MTM1: variants seen among roughly 807,000 people sequenced by gnomAD.
MTM1 encodes the protein myotubularin.
Under a neutral mutation model 52.1 loss-of-function variants are expected in MTM1, and 9 were observed. That is an observed-to-expected ratio of 0.17 (90% CI 0.10 to 0.30). The LOEUF (loss-of-function observed/expected upper bound fraction) is 0.30, where lower values mean the gene tolerates loss of function less well. MTM1 is among the 10% of genes least tolerant of loss of function. The probability of loss-of-function intolerance (pLI) is 1.00; values close to 1 mark genes in which losing one functional copy is unlikely to be tolerated. For missense variants in MTM1, 277 were observed against 470.7 expected, an observed-to-expected ratio of 0.59 and a Z score of 3.81; for synonymous variants, 136 against 163.8, an observed-to-expected ratio of 0.83 and a Z score of 1.29.
intron 6 of MTM1, among the ~76,000 whole-genome samples, chrX:150,634,304 T>C (rs1245767797): frequency 8.9e-6 from 1 of 112,576 alleles, no homozygotes; most frequent in Non-Finnish European, 1.9e-5. Flanking sequence ...AGATTCTGTT[T>C]AAATAAACAA....
At chrX:150,649,254 C>T (rs1557414108) in intron 9 of MTM1, among the ~76,000 whole-genome samples, 1 of 112,665 alleles carries the variant, frequency 8.9e-6, no homozygotes, top group African/African-American at 3.2e-5. Flanking sequence ...GGGTCTGTCT[C>T]CAAAGCCTGT....
chrX:150,601,443 G>A (rs782020800), intron 4 of MTM1, among the ~76,000 whole-genome samples: 1 of 112,376 alleles, frequency 8.9e-6, no homozygotes, highest in Non-Finnish European at 1.9e-5. Flanking sequence ...AAAAAATTTT[G>A]TTGCATGTTT....
At chrX:150,659,882 G>GTGTGAATAC (rs1251243996) in intron 12 of MTM1, 126 bp downstream of exon 12, 1 of 558,926 alleles carries the variant, frequency 1.8e-6, no homozygotes, top group Non-Finnish European at 3.0e-6. Flanking sequence ...GACTGGGCAT[G>GTGTGAATAC]TGTGAATACT....
intron 7 of MTM1, among the ~76,000 whole-genome samples, chrX:150,639,374 T>C (rs1236865990): frequency 8.9e-6 from 1 of 112,368 alleles, no homozygotes; most frequent in African/African-American, 3.2e-5. Flanking sequence ...GGACTTGATA[T>C]TGCTATGTAT....
At chrX:150,569,463 G>GA (rs1557411369) in intron 1 of MTM1, among the ~76,000 whole-genome samples, 2 of 112,600 alleles carry the variant, frequency 1.8e-5, no homozygotes, top group Non-Finnish European at 3.8e-5. Context: ...GACTGGTTTT[G>GA]AAACAGATAC....
At chrX:150,576,002 G>A (rs2038465882) in intron 1 of MTM1, among the ~76,000 whole-genome samples, 1 of 111,077 alleles carries the variant, frequency 9.0e-6, no homozygotes, top group Non-Finnish European at 1.9e-5. Context: ...TGTTAATGTG[G>A]TAGGCTATTT....
At chrX:150,662,108 TGA>T (rs1239756788) in intron 13 of MTM1, among the ~76,000 whole-genome samples, 3 of 111,015 alleles carry the variant, frequency 2.7e-5, no homozygotes, top group African/African-American at 9.8e-5. Context: ...GGAAAAGAGG[TGA>T]GAGAGAGCAC....
At chrX:150,578,686 G>A (rs782179490) in intron 1 of MTM1, among the ~76,000 whole-genome samples, 2 of 111,172 alleles carry the variant, frequency 1.8e-5, no homozygotes, top group African/African-American at 6.6e-5. Flanking sequence ...CCATTGCTAG[G>A]ACCTCAAAAA....
intron 1 of MTM1, among the ~76,000 whole-genome samples, chrX:150,579,646 G>A (rs1402564605): frequency 9.2e-6 from 1 of 109,153 alleles, no homozygotes; most frequent in African/African-American, 3.4e-5. Flanking sequence ...ACAGGTGCAT[G>A]CCCCCATGCC....
At chrX:150,665,551 A>G (rs891830584) in intron 14 of MTM1, among the ~76,000 whole-genome samples, 10 of 112,777 alleles carry the variant, frequency 8.9e-5, no homozygotes, top group African/African-American at 3.2e-4. Flanking sequence ...TAAAAGTTAA[A>G]TTGTTATTCA....
Position 150,668,844 on chromosome X carries a change from T to C in MTM1, c.1645-2584T>C, listed in dbSNP as rs1225837931. Among the ~76,000 whole-genome samples, 3 of 112,223 alleles carry C rather than the reference T, an allele frequency of 2.7e-5. No individual in the cohort carries two copies. The Admixed American group carries it at 2.8e-4, about 11-fold the overall frequency. On this transcript the variant is annotated intron_variant, in intron 14 of 14. Transcript: ENST00000370396. ...AACACAGTAGAAAGCAGGATGGTTC[T>C]GGAAACCACTACATGTGGAAGGCAC...
Position 150,598,670 on chromosome X carries a change from T to C in MTM1, c.215T>C (p.Leu72Ser). The C allele has an allele frequency of 8.5e-7, 1 of 1,182,345 alleles. No individual in the cohort carries two copies. The highest frequency in any genetic ancestry group is 1.2e-6 in the Non-Finnish European group (1 of 869,140). ...TACATCACAAATTATCGTCTTTATT[T>C]AAGAAGTTTGGAAACGGTAAGTAGA... ...RVYITNYRLY[L>S]RSLETDSSLI... Residue 72 changes from leucine to serine, a missense_variant, in exon 4 of 15, where the codon TTA becomes TCA. Leu to Ser is a moderately radical substitution (Grantham distance 145). Transcript: ENST00000370396.
At chrX:150,639,781 A>G (rs189816543) in intron 7 of MTM1, among the ~76,000 whole-genome samples, 1 of 112,376 alleles carries the variant, frequency 8.9e-6, no homozygotes, top group African/African-American at 3.2e-5. Context: ...ATAATTGAAA[A>G]GTTTTGTTGA....
chrX:150,591,114 C>A (rs1421597818), intron 1 of MTM1: 1 of 606,455 alleles, frequency 1.6e-6, no homozygotes, highest in African/African-American at 2.5e-5. Context: ...ATTCATTAAT[C>A]TTTTTAAAAA....
Position 150,672,196 on chromosome X carries a change from T to C in MTM1, c.*601T>C, listed in dbSNP as rs2040406936. 1 of 112,316 alleles carries C rather than the reference T, an allele frequency of 8.9e-6. No individual in the cohort carries two copies. Among genetic ancestry groups the C allele is most frequent in the Admixed American group, 9.5e-5 (1 of 10,561 alleles). 9.3% of individuals were successfully genotyped at this position (112,316 alleles called of 1,213,427 possible). Reference sequence around the variant, plus strand: ...TGGAAATTTAGGGGTAGAAAATGTTTTCCCCTAATTTTCCAGAGAAGCCTA... The same window carrying C: ...TGGAAATTTAGGGGTAGAAAATGTTCTCCCCTAATTTTCCAGAGAAGCCTA... On this transcript the variant is annotated 3_prime_UTR_variant, in exon 15 of 15. Coordinates refer to ENST00000370396, the MANE Select transcript of MTM1 (RefSeq NM_000252.3).
intron 4 of MTM1, among the ~76,000 whole-genome samples, chrX:150,609,196 T>G (rs1321394483): frequency 9.0e-6 from 1 of 111,219 alleles, no homozygotes; most frequent in Non-Finnish European, 1.9e-5. Context: ...CAAAGTGGTG[T>G]GAGCCAAGGA....
At chrX:150,626,585 G>A (rs1382512742) in intron 6 of MTM1, among the ~76,000 whole-genome samples, 1 of 111,769 alleles carries the variant, frequency 8.9e-6, no homozygotes, top group East Asian at 2.8e-4. Context: ...TGGGATTACA[G>A]GTGTGAGCCA....
intron 4 of MTM1, among the ~76,000 whole-genome samples, chrX:150,614,378 A>G (rs1557413082): frequency 8.9e-6 from 1 of 112,168 alleles, no homozygotes; most frequent in Non-Finnish European, 1.9e-5. Context: ...GCAGTGCACA[A>G]TGGCAAATGT....
At chrX:150,583,802 AT>A (rs2038710146) in intron 1 of MTM1, among the ~76,000 whole-genome samples, 1 of 51,503 alleles carries the variant, frequency 1.9e-5, no homozygotes, top group African/African-American at 7.3e-5. Flanking sequence ...TAAAATATAT[AT>A]TAAATATATA....
Sources: gnomAD v4.1 joint callset for allele counts (sites outside exome capture counted in the v4.1 genomes callset) on GRCh38, gnomAD v4.1.1 for gene constraint, MANE v1.5 for transcripts, NCBI Gene and HGNC (gene_info 2026-07-23, HGNC 2026-07-21) for gene names.